The following SLC44A1 variants were observed in gnomAD, a reference collection of about 807,000 sequenced individuals.
SLC44A1 encodes solute carrier family 44 member 1.
A neutral mutation model predicts 79.3 loss-of-function variants in SLC44A1; 26 were observed. The observed-to-expected ratio is 0.33, with a 90% CI of 0.24 to 0.46. The LOEUF is 0.46. Ranked by LOEUF, SLC44A1 falls within the 20% of genes least tolerant of loss-of-function variation. SLC44A1 has a pLI of 1.00. For synonymous variants in SLC44A1, 263 were observed against 286.2 expected (o/e 0.92, Z 0.82); for missense variants, 688 against 798.1 (o/e 0.86, Z 1.66).
intron 1 of SLC44A1, among the ~76,000 whole-genome samples, chr9:105,262,773 A>G (rs755440875): frequency 2.6e-5 from 4 of 152,188 alleles, no homozygotes; most frequent in Non-Finnish European, 4.4e-5. Flanking sequence ...CAAGTATTCA[A>G]TTTGTTTCCT....
intron 1 of SLC44A1, among the ~76,000 whole-genome samples, chr9:105,276,565 C>CGTGTGTGT (rs60259632): frequency 0.047 from 5,586 of 118,930 alleles, 409 homozygotes; most frequent in Non-Finnish European, 0.063. Context: ...GATGGGGAGC[C>CGTGTGTGT]GTGTGTGTGT....
intron 1 of SLC44A1, among the ~76,000 whole-genome samples, chr9:105,247,528 C>T (rs960230414): frequency 1.3e-5 from 2 of 152,186 alleles, no homozygotes; most frequent in Non-Finnish European, 2.9e-5. Flanking sequence ...AACTCCTGAC[C>T]TCGGGTGATC....
chr9:105,402,709 A>G (rs1314908516), intron 15 of SLC44A1, among the ~76,000 whole-genome samples: 1 of 151,954 alleles, frequency 6.6e-6, no homozygotes, highest in African/African-American at 2.4e-5. Context: ...CTCCAACTCT[A>G]CTCTTCTACA....
At chr9:105,253,700 C>T (rs997321810) in intron 1 of SLC44A1, among the ~76,000 whole-genome samples, 1 of 152,130 alleles carries the variant, frequency 6.6e-6, no homozygotes, top group African/African-American at 2.4e-5. Flanking sequence ...TGCCTGTATT[C>T]CGGCCTGGGT....
At chr9:105,427,166 C>G (rs1038888249) in intron 15 of SLC44A1, among the ~76,000 whole-genome samples, 2 of 152,168 alleles carry the variant, frequency 1.3e-5, no homozygotes, top group African/African-American at 2.4e-5. Context: ...CTCCTGAGCT[C>G]AAGCGATCTA....
At chr9:105,380,958 A>G (rs1026003710) in intron 13 of SLC44A1, among the ~76,000 whole-genome samples, 1 of 152,190 alleles carries the variant, frequency 6.6e-6, no homozygotes, top group African/African-American at 2.4e-5. Context: ...CTTTCATTAT[A>G]TTTGGGAATA....
At chr9:105,376,673 G>A (rs950397704) in intron 13 of SLC44A1, among the ~76,000 whole-genome samples, 25 of 151,962 alleles carry the variant, frequency 1.6e-4, no homozygotes, top group Non-Finnish European at 2.5e-4. Context: ...TGCCCACGGC[G>A]TTTTTTACAA....
intron 2 of SLC44A1, among the ~76,000 whole-genome samples, chr9:105,308,536 C>A (rs1831092211): frequency 6.6e-6 from 1 of 152,202 alleles, no homozygotes; most frequent in Admixed American, 6.5e-5. Context: ...AGCTCCCTTA[C>A]CTGCACAATG....
chr9:105,287,688 C>A (rs1357059751), intron 1 of SLC44A1, among the ~76,000 whole-genome samples: 1 of 138,112 alleles, frequency 7.2e-6, no homozygotes, highest in East Asian at 2.0e-4. Context: ...GTCAGTTCAG[C>A]TGATCATCTA....
intron 13 of SLC44A1, among the ~76,000 whole-genome samples, chr9:105,377,479 G>A (rs555145545): frequency 3.7e-4 from 57 of 152,054 alleles, no homozygotes; most frequent in Middle Eastern, 6.8e-3. Flanking sequence ...AGTTGGGCGC[G>A]GTGGCTCATG....
At position 105,394,202 on chromosome 9, in the gene SLC44A1, T is replaced by G. The variant is rs1035406192; in HGVS notation, c.*5146T>G. 3 of 985,282 alleles carry G rather than the reference T, an allele frequency of 3.0e-6. No individual in the cohort carries two copies. The highest frequency in any genetic ancestry group is 2.4e-6 in the Non-Finnish European group (2 of 829,932). The allele number at this position is 985,282 out of a possible 1,614,324, so 61.0% of individuals were successfully genotyped here. On this transcript the variant is annotated 3_prime_UTR_variant, in exon 16 of 16. Coordinates refer to ENST00000374720, the MANE Select transcript of SLC44A1 (RefSeq NM_080546.5). ...TCTAAAGTTGTTCTGATAATGTGTT[T>G]TGAAATGAGGAAGTGATTAGGCCTC...
chr9:105,278,592 G>C (rs992493089), intron 1 of SLC44A1, among the ~76,000 whole-genome samples: 3 of 152,046 alleles, frequency 2.0e-5, no homozygotes, highest in South Asian at 4.2e-4. Context: ...TGTTGGCCAG[G>C]CTGGTCTCGA....
chr9:105,255,139 G>A (rs2131200870), intron 1 of SLC44A1, among the ~76,000 whole-genome samples: 1 of 142,646 alleles, frequency 7.0e-6, no homozygotes, highest in East Asian at 2.0e-4. Flanking sequence ...GAAAAGTCAT[G>A]TCATTATTTA....
intron 1 of SLC44A1, among the ~76,000 whole-genome samples, chr9:105,295,212 G>A (rs910257629): frequency 1.3e-5 from 2 of 152,120 alleles, no homozygotes; most frequent in Non-Finnish European, 2.9e-5. Flanking sequence ...AATCAAATGC[G>A]GTCATAGATA....
At chr9:105,251,351 A>G (rs542717116) in intron 1 of SLC44A1, among the ~76,000 whole-genome samples, 12 of 152,002 alleles carry the variant, frequency 7.9e-5, no homozygotes, top group African/African-American at 2.4e-4. Flanking sequence ...GACCTTCTCA[A>G]CGTCACTGCC....
At chr9:105,384,147 G>A (rs1239532611) in intron 14 of SLC44A1, among the ~76,000 whole-genome samples, 2 of 151,790 alleles carry the variant, frequency 1.3e-5, no homozygotes, top group African/African-American at 4.8e-5. Flanking sequence ...ATTTTATCCA[G>A]TTAAATCTAA....
chr9:105,329,362 G>A (rs28545469), intron 3 of SLC44A1, among the ~76,000 whole-genome samples: 16,654 of 152,166 alleles, frequency 0.11, 2,375 homozygotes, highest in African/African-American at 0.33. Context: ...CATCCTGATT[G>A]GAGAGGAGAG....
At chr9:105,271,709 G>A (rs1021454301) in intron 1 of SLC44A1, among the ~76,000 whole-genome samples, 1 of 152,122 alleles carries the variant, frequency 6.6e-6, no homozygotes, top group African/African-American at 2.4e-5. Context: ...CACCTCCCAG[G>A]TTCAAGTGAT....
intron 1 of SLC44A1, among the ~76,000 whole-genome samples, chr9:105,256,677 T>C (rs1405421419): frequency 6.6e-6 from 1 of 151,400 alleles, no homozygotes; most frequent in African/African-American, 2.4e-5. Flanking sequence ...ATCCTCCTGG[T>C]TGAGCTTCCC....
Sources: gnomAD v4.1 joint callset for allele counts (sites outside exome capture counted in the v4.1 genomes callset) on GRCh38, gnomAD v4.1.1 for gene constraint, MANE v1.5 for transcripts, NCBI Gene and HGNC (gene_info 2026-07-23, HGNC 2026-07-21) for gene names.